ELP4: variants seen among roughly 807,000 people sequenced by gnomAD.
ELP4 encodes the protein elongator acetyltransferase complex subunit 4.
A neutral mutation model predicts 48.9 loss-of-function variants in ELP4; 51 were observed. The ratio of observed to expected loss-of-function variants is 1.04; its 90% CI spans 0.83 to 1.32. The LOEUF is 1.32. ELP4 is among the 40% of genes most tolerant of loss of function. The probability of loss-of-function intolerance (pLI) is 0.00; values close to 1 mark genes in which losing one functional copy is unlikely to be tolerated. For missense variants in ELP4, 519 were observed against 514.6 expected (o/e 1.01, Z -0.08); for synonymous variants, 210 against 189.2 (o/e 1.11, Z -0.90).
intron 9 of ELP4, among the ~76,000 whole-genome samples, chr11:31,701,970 G>A (rs1161765620): frequency 2.0e-5 from 3 of 152,004 alleles, no homozygotes; most frequent in Admixed American, 6.6e-5. Flanking sequence ...ACAGTACGAA[G>A]CGAATAATAT....
At chr11:31,696,134 A>G (rs979728750) in intron 9 of ELP4, among the ~76,000 whole-genome samples, 1 of 151,746 alleles carries the variant, frequency 6.6e-6, no homozygotes, top group Non-Finnish European at 1.5e-5. Flanking sequence ...GGATTCATTG[A>G]TTTTTCGAAG....
intron 9 of ELP4, among the ~76,000 whole-genome samples, chr11:31,723,224 AAGG>A (rs1309267322): frequency 6.6e-6 from 1 of 152,124 alleles, no homozygotes; most frequent in Non-Finnish European, 1.5e-5. Context: ...AGGAAGGAGA[AAGG>A]AGGCTGGGAA....
rs1010575444 is a variant in ELP4 at position 31,787,035 on chromosome 11, C to A, written c.*3511C>A. On this transcript the variant is annotated 3_prime_UTR_variant, in exon 10 of 10. Transcript: ENST00000640961. ...TATGTATCGTTAAATAAATAATAAA[C>A]AAAAATTATTTCAACAATGAGTAAA... 6 of 73,998 alleles carry A rather than the reference C, an allele frequency of 8.1e-5. No individual in the cohort carries two copies. In the African/African-American group the frequency reaches 9.5e-4, roughly 12 times the overall value. 4.6% of individuals were successfully genotyped at this position (73,998 alleles called of 1,614,324 possible).
chr11:31,523,543 T>C (rs1956249670), intron 2 of ELP4, among the ~76,000 whole-genome samples: 1 of 152,132 alleles, frequency 6.6e-6, no homozygotes, highest in Non-Finnish European at 1.5e-5. Flanking sequence ...CTATGGAAAC[T>C]AGAGCTAATG....
At chr11:31,616,632 G>A (rs973701001) in intron 5 of ELP4, among the ~76,000 whole-genome samples, 2 of 151,732 alleles carry the variant, frequency 1.3e-5, no homozygotes, top group Non-Finnish European at 3.0e-5. Context: ...CAGTGAAAAG[G>A]CAACGTAAGA....
At chr11:31,694,513 T>G (rs1946356182) in intron 9 of ELP4, among the ~76,000 whole-genome samples, 1 of 152,178 alleles carries the variant, frequency 6.6e-6, no homozygotes, top group African/African-American at 2.4e-5. Context: ...TTCTGTTCCA[T>G]TGGTCTATAT....
At chr11:31,696,969 TACC>T (rs1426225424) in intron 9 of ELP4, among the ~76,000 whole-genome samples, 1 of 152,010 alleles carries the variant, frequency 6.6e-6, no homozygotes, top group Non-Finnish European at 1.5e-5. Flanking sequence ...GAGGAAGATC[TACC>T]AAGCAAATGG....
intron 1 of ELP4, chr11:31,512,022 A>C (rs1956019361): frequency 6.6e-6 from 1 of 152,236 alleles, no homozygotes; most frequent in South Asian, 2.1e-4. Flanking sequence ...AATTGACTAC[A>C]TCTTGAAAAA....
chr11:31,577,668 G>A lies in ELP4; in HGVS notation c.382-17102G>A, dbSNP rs1366326504. On this transcript the variant is annotated intron_variant, in intron 3 of 9. Coordinates refer to ENST00000640961, the MANE Select transcript of ELP4 (RefSeq NM_019040.5). Reference sequence around the variant, plus strand: ...CGCGAATCAATAAATGTAATCCATCGTATAAACAGAACCAAAGACAAAAAC... The same window carrying A: ...CGCGAATCAATAAATGTAATCCATCATATAAACAGAACCAAAGACAAAAAC... Among the ~76,000 whole-genome samples the A allele has an allele frequency of 3.3e-5, 5 of 151,882 alleles. No homozygotes were observed. In the East Asian group the frequency reaches 9.6e-4, roughly 29 times the overall value.
At chr11:31,715,942 C>G (rs932282262) in intron 9 of ELP4, among the ~76,000 whole-genome samples, 1 of 152,132 alleles carries the variant, frequency 6.6e-6, no homozygotes, top group African/African-American at 2.4e-5. Context: ...AGGAGTTTAG[C>G]AGAAGAAGAG....
intron 9 of ELP4, among the ~76,000 whole-genome samples, chr11:31,766,944 T>G (rs1284017941): frequency 6.6e-6 from 1 of 152,176 alleles, no homozygotes; most frequent in East Asian, 1.9e-4. Flanking sequence ...AAACTCATTT[T>G]TTCATCATTT....
At chr11:31,568,296 A>G (rs537831664) in intron 3 of ELP4, among the ~76,000 whole-genome samples, 373 of 152,338 alleles carry the variant, frequency 2.4e-3, no homozygotes, top group Non-Finnish European at 3.8e-3. Context: ...CAGAGATGAC[A>G]CAAATGAAAA....
At chr11:31,729,029 G>A (rs116884725) in intron 9 of ELP4, among the ~76,000 whole-genome samples, 3 of 152,158 alleles carry the variant, frequency 2.0e-5, no homozygotes, top group Non-Finnish European at 4.4e-5. Context: ...TCATTAGCTA[G>A]AGGAGAAAAT....
At position 31,646,080 on chromosome 11, in the gene ELP4, C is replaced by G. The variant is rs1945191110; in HGVS notation, c.928-1661C>G. The G allele has an allele frequency of 3.3e-5, 5 of 151,718 alleles. No homozygotes were observed. The South Asian group carries it at 1.0e-3, about 31-fold the overall frequency. The allele number at this position is 151,718 out of a possible 1,614,324, so 9.4% of individuals were successfully genotyped here. A position where few individuals can be genotyped will look rare whatever the true frequency, so the allele number is the denominator to read the frequency against. Reference sequence around the variant, plus strand: ...ATTGAGAGGAACATGTTTATGGCCTCTGAAGCCCCTGTTATTCCTGGAGTA... The same window carrying G: ...ATTGAGAGGAACATGTTTATGGCCTGTGAAGCCCCTGTTATTCCTGGAGTA... On this transcript the variant is annotated intron_variant, in intron 7 of 9. Transcript: ENST00000640961.
Position 31,583,329 on chromosome 11 carries a change from T to G in ELP4, c.382-11441T>G, listed in dbSNP as rs2133975052. Among the ~76,000 whole-genome samples, 4 of 152,280 alleles carry G rather than the reference T, an allele frequency of 2.6e-5. No individual in the cohort carries two copies. The Middle Eastern group carries it at 0.01, about 388-fold the overall frequency. On this transcript the variant is annotated intron_variant, in intron 3 of 9. Coordinates refer to ENST00000640961, the MANE Select transcript of ELP4 (RefSeq NM_019040.5). Reference sequence around the variant, plus strand: ...TTCTACATCTCATAGAAAAAAAAATTTGAGATGCAAAGGATGTTTATGTTA... The same window carrying G: ...TTCTACATCTCATAGAAAAAAAAATGTGAGATGCAAAGGATGTTTATGTTA...
At position 31,788,724 on chromosome 11, in the gene ELP4, G is replaced by C. The variant is rs1184718535; in HGVS notation, c.*5200G>C. ...TTACCATTTTGTATATATGTTGTGG[G>C]TATAAATGGGCACAGATCTACACCC... On this transcript the variant is annotated 3_prime_UTR_variant, in exon 10 of 10. Coordinates refer to ENST00000640961, the MANE Select transcript of ELP4 (RefSeq NM_019040.5). 6.1e-6 allele frequency: 1 copy of C among 163,118 alleles called. No homozygotes were observed. Among genetic ancestry groups the C allele is most frequent in the Non-Finnish European group, 1.2e-5 (1 of 83,126 alleles). The allele number at this position is 163,118 out of a possible 1,614,324, so 10.1% of individuals were successfully genotyped here.
intron 9 of ELP4, among the ~76,000 whole-genome samples, chr11:31,770,164 G>T (rs370128283): frequency 8.5e-5 from 13 of 152,136 alleles, no homozygotes; most frequent in African/African-American, 3.1e-4. Context: ...GAGCTTATAT[G>T]CTCCGGCCTG....
chr11:31,696,542 A>G (rs1214187063), intron 9 of ELP4, among the ~76,000 whole-genome samples: 1 of 152,088 alleles, frequency 6.6e-6, no homozygotes, highest in African/African-American at 2.4e-5. Flanking sequence ...ACAGTTTGTT[A>G]TAATTTCTGT....
chr11:31,625,864 A>G (rs1332128127), intron 5 of ELP4, among the ~76,000 whole-genome samples: 1 of 151,832 alleles, frequency 6.6e-6, no homozygotes, highest in Non-Finnish European at 1.5e-5. Context: ...CCCTTACAGA[A>G]TATTATTTTT....
Sources: gnomAD v4.1 joint callset for allele counts (sites outside exome capture counted in the v4.1 genomes callset) on GRCh38, gnomAD v4.1.1 for gene constraint, MANE v1.5 for transcripts, NCBI Gene and HGNC (gene_info 2026-07-23, HGNC 2026-07-21) for gene names.